Variants in DNAH11 observed in about 807,000 individuals in gnomAD.
DNAH11 encodes the protein axonemal beta dynein heavy chain 11.
Under a neutral mutation model 526.0 loss-of-function variants are expected in DNAH11, and 442 were observed. The ratio of observed to expected loss-of-function variants is 0.84; its 90% CI spans 0.78 to 0.91. DNAH11 has a LOEUF of 0.91. DNAH11 is among the 40% of genes least tolerant of loss of function. The probability of loss-of-function intolerance (pLI) is 0.00; values close to 1 mark genes in which losing one functional copy is unlikely to be tolerated. For synonymous variants in DNAH11, 2,461 were observed against 1,935.9 expected, an observed-to-expected ratio of 1.27 and a Z score of -7.12; for missense variants, 6,989 against 5,448.7, an observed-to-expected ratio of 1.28 and a Z score of -8.90.
chr7:21,613,222 A>G (rs1175843724), intron 20 of DNAH11, among the ~76,000 whole-genome samples: 1 of 152,234 alleles, frequency 6.6e-6, no homozygotes, highest in African/African-American at 2.4e-5. Flanking sequence ...AATGTGATAT[A>G]TGTAGTAAAC....
chr7:21,792,022 G>A (rs1481389165), intron 61 of DNAH11, among the ~76,000 whole-genome samples: 1 of 152,122 alleles, frequency 6.6e-6, no homozygotes. Context: ...AAGCAAAGGG[G>A]GATCAGGCAT....
intron 69 of DNAH11, among the ~76,000 whole-genome samples, chr7:21,863,136 T>C (rs1046791066): frequency 6.6e-6 from 1 of 151,690 alleles, no homozygotes; most frequent in Non-Finnish European, 1.5e-5. Context: ...GCAGACCACA[T>C]TCCTAGATAA....
In DNAH11 at chr7:21,687,222, T is replaced by C; in HGVS notation, c.5745T>C (p.Tyr1915=). ...GACGTGCCCTTGGCATGATGGTCTATGTATTCAACTGTTCAGAGCAAATGG... is the reference window on the plus strand; with the variant it reads ...GACGTGCCCTTGGCATGATGGTCTACGTATTCAACTGTTCAGAGCAAATGG... The part of the protein sequence containing the change: ...DLGRALGMMV[Y]VFNCSEQMDY... Residue 1915 remains tyrosine, a synonymous_variant, in exon 33 of 82, where the codon TAT becomes TAC. Transcript: ENST00000409508. The C allele has an allele frequency of 1.2e-6, 2 of 1,601,742 alleles. No homozygotes were observed. Among genetic ancestry groups the C allele is most frequent in the East Asian group, 2.2e-5 (1 of 44,784 alleles).
intron 39 of DNAH11, among the ~76,000 whole-genome samples, chr7:21,706,076 T>C (rs1270068710): frequency 6.6e-6 from 1 of 152,124 alleles, no homozygotes; most frequent in Non-Finnish European, 1.5e-5. Flanking sequence ...TAACCCTCTA[T>C]ATGGCCAAAC....
In DNAH11 at chr7:21,554,170, ATTT is replaced by A. The variant is rs746086141; in HGVS notation, c.496-4612_496-4610del. On this transcript the variant is annotated intron_variant, in intron 2 of 81. Coordinates refer to ENST00000409508, the MANE Select transcript of DNAH11 (RefSeq NM_001277115.2). ...TCTGCATTTGTGTCTGTTCTCTGGGATTTTTTTTTTTTTTTTTTTTTTAGGGGA... is the reference window on the plus strand; with the variant it reads ...TCTGCATTTGTGTCTGTTCTCTGGGATTTTTTTTTTTTTTTTTTTAGGGGA... Among the ~76,000 whole-genome samples the A allele has an allele frequency of 5.4e-3, 598 of 110,324 alleles. 7 individuals are homozygous for A. The highest frequency in any genetic ancestry group is 0.019 in the African/African-American group (547 of 29,384). 72.4% of individuals were successfully genotyped at this position (110,324 alleles called of 152,430 possible). A position where few individuals can be genotyped will look rare whatever the true frequency, so the allele number is the denominator to read the frequency against.
In DNAH11 at chr7:21,899,462, C is replaced by G. The variant is rs748111578; in HGVS notation, c.13162+14C>G. ...CCTTCTTAACTGGTAAGGGCTGACG[C>G]AGTGCAGCCCCTGATGCACACAGGA... is the stretch of plus-strand genomic sequence containing the variant. On this transcript the variant is annotated intron_variant, in intron 80 of 81. Coordinates refer to ENST00000409508, the MANE Select transcript of DNAH11 (RefSeq NM_001277115.2). 10 of 1,592,616 alleles carry G rather than the reference C, an allele frequency of 6.3e-6. No homozygotes were observed. The highest frequency in any genetic ancestry group is 7.7e-6 in the Non-Finnish European group (9 of 1,162,316).
At chr7:21,647,270 TAC>T (rs1787396151) in intron 28 of DNAH11, among the ~76,000 whole-genome samples, 1 of 151,926 alleles carries the variant, frequency 6.6e-6, no homozygotes, top group East Asian at 1.9e-4. Context: ...GAAAGAAAAC[TAC>T]ACCAAATTGC....
intron 68 of DNAH11, among the ~76,000 whole-genome samples, chr7:21,859,844 C>T (rs759048584): frequency 6.6e-6 from 1 of 151,762 alleles, no homozygotes; most frequent in African/African-American, 2.4e-5. Context: ...AAGAGGTGAC[C>T]AAGGGGCATC....
At chr7:21,598,349 T>C (rs1269609759) in intron 14 of DNAH11, among the ~76,000 whole-genome samples, 2 of 152,170 alleles carry the variant, frequency 1.3e-5, no homozygotes, top group Non-Finnish European at 2.9e-5. Context: ...TTTTGAAACC[T>C]GTGTCTCTAG....
chr7:21,721,771 G>A (rs1784884178), intron 44 of DNAH11, among the ~76,000 whole-genome samples: 3 of 152,172 alleles, frequency 2.0e-5, no homozygotes, highest in African/African-American at 7.2e-5. Context: ...GGGGTGGGAT[G>A]TGGGAGGGGG....
In DNAH11 at chr7:21,773,881, G is replaced by T. The variant is rs766622461; in HGVS notation, c.9218G>T (p.Ser3073Ile). The part of the protein sequence containing the change: ...ERRHNYTTPK[S>I]FLEQISLFKN... ...AGACACAACTATACCACCCCAAAGA[G>T]TTTTCTAGAACAAATATCACTGTTT... Residue 3073 changes from serine to isoleucine, a missense_variant, in exon 56 of 82, where the codon AGT becomes ATT. Transcript: ENST00000409508. The T allele has an allele frequency of 3.8e-6, 6 of 1,594,588 alleles. No individual in the cohort carries two copies. In the Admixed American group the frequency reaches 5.1e-5, roughly 14 times the overall value.
intron 22 of DNAH11, among the ~76,000 whole-genome samples, chr7:21,616,959 C>G (rs1205993874): frequency 6.6e-6 from 1 of 152,238 alleles, no homozygotes; most frequent in Non-Finnish European, 1.5e-5. Flanking sequence ...CTTCTACCCA[C>G]TCTCGCCTGT....
At chr7:21,852,355 C>G (rs1782673098) in intron 66 of DNAH11, 112 bp from the exon 67 acceptor site, 3 of 1,146,410 alleles carry the variant, frequency 2.6e-6, no homozygotes, top group Non-Finnish European at 2.4e-6. Flanking sequence ...CGCAGTGAGC[C>G]AAGATCATAC....
chr7:21,556,610 G>A (rs768651272), intron 2 of DNAH11, among the ~76,000 whole-genome samples: 2 of 152,270 alleles, frequency 1.3e-5, no homozygotes, highest in Middle Eastern at 6.8e-3. Flanking sequence ...GGTATACAGA[G>A]AGTTTGTTAC....
intron 21 of DNAH11, 120 bp from the exon 22 acceptor site, chr7:21,616,089 T>C: frequency 2.7e-6 from 2 of 752,978 alleles, no homozygotes; most frequent in Non-Finnish European, 4.4e-6. Flanking sequence ...GTTAATATTT[T>C]AAAAATTGAC....
At chr7:21,855,087 A>T (rs1189616761) in intron 68 of DNAH11, among the ~76,000 whole-genome samples, 1 of 135,654 alleles carries the variant, frequency 7.4e-6, no homozygotes, top group African/African-American at 2.9e-5. Context: ...GCTGGAGTGC[A>T]GTGGCGCGAT....
chr7:21,729,867 T>G (rs2108280), intron 45 of DNAH11, among the ~76,000 whole-genome samples: 1 of 152,054 alleles, frequency 6.6e-6, no homozygotes, highest in African/African-American at 2.4e-5. Flanking sequence ...TCCACTTTTT[T>G]AGGTATCTGT....
chr7:21,664,027 AACTT>A (rs1323523267), intron 30 of DNAH11, among the ~76,000 whole-genome samples: 9 of 151,974 alleles, frequency 5.9e-5, no homozygotes, highest in Admixed American at 5.9e-4. Context: ...TGGCTGCACT[AACTT>A]ACATTCCCAC....
At chr7:21,623,498 A>C (rs1404166448) in intron 25 of DNAH11, among the ~76,000 whole-genome samples, 3 of 152,214 alleles carry the variant, frequency 2.0e-5, no homozygotes, top group African/African-American at 7.2e-5. Context: ...TCATGCTGCT[A>C]TAAAGACACA....
Sources: allele counts gnomAD v4.1 joint callset (sites outside exome capture counted in the v4.1 genomes callset), GRCh38; gene constraint gnomAD v4.1.1; transcripts MANE v1.5; gene names NCBI Gene and HGNC (gene_info 2026-07-23, HGNC 2026-07-21).